ZNF433: variants seen among roughly 807,000 people sequenced by gnomAD.
ZNF433 encodes the protein zinc finger protein 433.
Under a neutral mutation model 10.6 loss-of-function variants are expected in ZNF433, and 12 were observed. The observed-to-expected ratio is 1.13, with a 90% CI of 0.72 to 1.83. The LOEUF is 1.83. ZNF433 is among the 40% of genes most tolerant of loss of function. The probability of loss-of-function intolerance (pLI) is 0.00; values close to 1 mark genes in which losing one functional copy is unlikely to be tolerated. For missense variants in ZNF433, 737 were observed against 798.0 expected, an observed-to-expected ratio of 0.92 and a Z score of 0.92; for synonymous variants, 272 against 271.3, an observed-to-expected ratio of 1.00 and a Z score of -0.02.
At chr19:12,035,508 G>T (rs367667016) in intron 1 of ZNF433, 29 bp downstream of exon 1, 9 of 1,567,860 alleles carry the variant, frequency 5.7e-6, no homozygotes, top group Non-Finnish European at 7.8e-6. Flanking sequence ...CTCCTCCCCC[G>T]CCTCGGGACC....
At chr19:12,032,229 C>A (rs958065862) in intron 1 of ZNF433, among the ~76,000 whole-genome samples, 1 of 152,056 alleles carries the variant, frequency 6.6e-6, no homozygotes, top group Non-Finnish European at 1.5e-5. Flanking sequence ...TGAGCCACCA[C>A]GCCTGGCCAG....
At chr19:12,033,920 T>C (rs1286966173) in intron 1 of ZNF433, among the ~76,000 whole-genome samples, 2 of 152,204 alleles carry the variant, frequency 1.3e-5, no homozygotes, top group African/African-American at 2.4e-5. Context: ...ATTTTAGTAT[T>C]GTACTGCAAG....
intron 1 of ZNF433, among the ~76,000 whole-genome samples, chr19:12,032,536 TAC>T (rs1488720176): frequency 6.6e-6 from 1 of 151,346 alleles, no homozygotes; most frequent in Non-Finnish European, 1.5e-5. Flanking sequence ...CAGGCTGGAA[TAC>T]AGTGGTGCAA....
chr19:12,028,211 G>GA (rs1425187377), intron 1 of ZNF433, among the ~76,000 whole-genome samples: 3 of 151,772 alleles, frequency 2.0e-5, no homozygotes, highest in Middle Eastern at 3.2e-3. Context: ...TGTGACCTAA[G>GA]AAAAAACAAG....
At chr19:12,031,307 AAAAC>A (rs1599376334) in intron 1 of ZNF433, among the ~76,000 whole-genome samples, 1 of 130,806 alleles carries the variant, frequency 7.6e-6, no homozygotes, top group Admixed American at 7.0e-5. Context: ...AAAAAAAAAA[AAAAC>A]AAAACAAAAA....
At chr19:12,024,357 T>G (rs886632128) in intron 1 of ZNF433, 1 of 152,248 alleles carries the variant, frequency 6.6e-6, no homozygotes, top group Non-Finnish European at 1.5e-5. Flanking sequence ...TGTGAACGGT[T>G]TGCATTTACA....
intron 1 of ZNF433, among the ~76,000 whole-genome samples, chr19:12,029,151 G>A (rs1974880058): frequency 6.6e-6 from 1 of 152,114 alleles, no homozygotes; most frequent in Non-Finnish European, 1.5e-5. Context: ...TCCATGAAAT[G>A]CATAGGCAGG....
chr19:12,015,770 TGA>T lies in ZNF433; in HGVS notation c.1086_1087del (p.His363Ter). 6.2e-7 allele frequency: 1 copy of T among 1,613,830 alleles called. No homozygotes were observed. The highest frequency in any genetic ancestry group is 2.2e-5 in the East Asian group (1 of 44,876). ...GGCTTTCCCACATATCTTACATTTA[TGA>T]GATATCTCTCCAGTGTGCATTCCCA... On this transcript the variant is annotated frameshift_variant, in exon 4 of 4. Transcript: ENST00000550507. LOFTEE classifies it low-confidence loss of function (END_TRUNC).
chr19:12,017,975 T>A (rs1407215384), intron 2 of ZNF433, 39 bp from the exon 3 acceptor site: 4 of 1,436,588 alleles, frequency 2.8e-6, no homozygotes, highest in African/African-American at 1.5e-5. Flanking sequence ...TGAATTAGTA[T>A]AAAATTATTA....
Position 12,015,256 on chromosome 19 carries a change from C to T in ZNF433, c.1602G>A (p.Lys534=), listed in dbSNP as rs760269066. 19 of 1,613,188 alleles carry T rather than the reference C, an allele frequency of 1.2e-5. No homozygotes were observed. Among genetic ancestry groups the T allele is most frequent in the Admixed American group, 8.3e-5 (5 of 59,932 alleles). Residue 534 remains lysine (K), a synonymous_variant, in exon 4 of 4, where the codon AAG becomes AAA. Coordinates refer to ENST00000550507, the MANE Select transcript of ZNF433 (RefSeq NM_001308348.2). ...CAGATCTGAAGGCTTTTCCACATTG[C>T]TTGCATTCATAGGGTTTCTCTCCAG... ...THTGEKPYEC[K]QCGKAFRSAS... is the part of the protein sequence containing the mutation.
At chr19:12,031,975 G>A (rs936638188) in intron 1 of ZNF433, among the ~76,000 whole-genome samples, 3 of 128,432 alleles carry the variant, frequency 2.3e-5, no homozygotes, top group African/African-American at 9.4e-5. Flanking sequence ...GAGTTTCACC[G>A]TTGCCCAGTC....
rs752584643 is a variant in ZNF433, at chr19:12,015,790, C to T, written c.1068G>A (p.Met356Ile). The T allele has an allele frequency of 6.2e-7, 1 of 1,613,852 alleles. No individual in the cohort carries two copies. Among genetic ancestry groups the T allele is most frequent in the East Asian group, 2.2e-5 (1 of 44,822 alleles). Residue 356 changes from methionine to isoleucine, a missense_variant, in exon 4 of 4, where the codon ATG becomes ATA. Physicochemically the swap from Met to Ile is conservative, Grantham distance 10. Coordinates refer to ENST00000550507, the MANE Select transcript of ZNF433 (RefSeq NM_001308348.2). ...ATTTATGAGATATCTCTCCAGTGTG[C>T]ATTCCCAAGTGGTTTTGAAAGCTGG... ...YLTSFQNHLG[M>I]HTGEISHKCK... is the part of the protein sequence containing the mutation.
chr19:12,032,485 AT>A (rs112747052), intron 1 of ZNF433, among the ~76,000 whole-genome samples: 10,789 of 141,040 alleles, frequency 0.076, 1,112 homozygotes, highest in African/African-American at 0.24. Context: ...CTAAATAGCG[AT>A]TTTTTTTTTT....
At position 12,016,269 on chromosome 19, in the gene ZNF433, A is replaced by C. The variant is rs1387562346; in HGVS notation, c.589T>G (p.Cys197Gly). The C allele has an allele frequency of 6.2e-7, 1 of 1,614,154 alleles. No homozygotes were observed. ...IMHRGDGPYKCKFCGKALMFL... is the reference protein window; with the variant it reads ...IMHRGDGPYKGKFCGKALMFL... ...ATCAAGGCTTTCCCACAAAATTTAC[A>C]CTTATAAGGTCCATCTCCACGGTGC... The change falls in exon 4 of 4, where the codon TGT becomes GGT. Residue 197 changes from cysteine to glycine, a missense_variant. Coordinates refer to ENST00000550507, the MANE Select transcript of ZNF433 (RefSeq NM_001308348.2).
At chr19:12,032,347 C>T (rs1308568553) in intron 1 of ZNF433, among the ~76,000 whole-genome samples, 1 of 152,044 alleles carries the variant, frequency 6.6e-6, no homozygotes, top group Non-Finnish European at 1.5e-5. Context: ...TATTTTTCTC[C>T]AGTAGCATTC....
intron 1 of ZNF433, among the ~76,000 whole-genome samples, chr19:12,031,760 T>C (rs915351907): frequency 1.3e-5 from 2 of 151,884 alleles, no homozygotes; most frequent in African/African-American, 4.8e-5. Context: ...CAGAGTGGCA[T>C]GCACCTGTGA....
intron 1 of ZNF433, among the ~76,000 whole-genome samples, chr19:12,031,910 G>T (rs1334711308): frequency 6.9e-6 from 1 of 145,468 alleles, no homozygotes; most frequent in African/African-American, 2.5e-5. Context: ...CCTCCATCCT[G>T]CAAAGAACTG....
intron 1 of ZNF433, among the ~76,000 whole-genome samples, chr19:12,020,588 G>A (rs1200152635): frequency 2.6e-5 from 4 of 152,066 alleles, no homozygotes; most frequent in African/African-American, 9.7e-5. Flanking sequence ...GGAATGTATC[G>A]AGGAAAGCAG....
At position 12,016,386 on chromosome 19, in the gene ZNF433, C is replaced by G. The variant is rs775998676; in HGVS notation, c.472G>C (p.Glu158Gln). 5 of 1,614,052 alleles carry G rather than the reference C, an allele frequency of 3.1e-6. No individual in the cohort carries two copies. Among genetic ancestry groups the G allele is most frequent in the Non-Finnish European group, 4.2e-6 (5 of 1,180,026 alleles). The change falls in exon 4 of 4, where the codon GAA becomes CAA. Residue 158 changes from glutamate (E) to glutamine (Q), a missense_variant. By Grantham distance (29) the Glu-to-Gln change is conservative. Coordinates refer to ENST00000550507, the MANE Select transcript of ZNF433 (RefSeq NM_001308348.2). ...AGTTTCCTTCCACTATGAGCCCTTT[C>G]ATGTGTCTGAACAGAGGAGAGACAG... ...FNCLSSVQTH[E>Q]RAHSGRKLYV...
Sources: gnomAD v4.1 joint callset for allele counts (sites outside exome capture counted in the v4.1 genomes callset) on GRCh38, gnomAD v4.1.1 for gene constraint, MANE v1.5 for transcripts, NCBI Gene and HGNC (gene_info 2026-07-23, HGNC 2026-07-21) for gene names.